LIN54: variants seen among roughly 807,000 people sequenced by gnomAD.
The protein encoded by LIN54 is lin-54 DREAM MuvB core complex component.
In LIN54, 9 loss-of-function variants were observed where a neutral mutation model predicts 78.7. The ratio of observed to expected loss-of-function variants is 0.11; its 90% CI spans 0.07 to 0.20. The LOEUF is 0.20. LIN54 is among the 10% of genes least tolerant of loss of function. The pLI is 1.00. For synonymous variants in LIN54, 269 were observed against 318.4 expected (o/e 0.84, Z 1.65); for missense variants, 573 against 889.9 (o/e 0.64, Z 4.53).
chr4:83,003,162 T>C (rs1040375094), intron 1 of LIN54, among the ~76,000 whole-genome samples: 3 of 152,134 alleles, frequency 2.0e-5, no homozygotes, highest in South Asian at 4.2e-4. Context: ...TACAGACGTG[T>C]GCCACCACGC....
In LIN54 at chr4:82,985,871, C is replaced by T. The variant is rs915453234; in HGVS notation, c.-32-995G>A. Among the ~76,000 whole-genome samples the T allele has an allele frequency of 5.9e-5, 9 of 151,904 alleles. No individual in the cohort carries two copies. In the East Asian group the frequency reaches 1.6e-3, roughly 26 times the overall value. ...CCGCCATTTAAAGTGTCAAAAAGAA[C>T]CATTTAAGAGATGTACAGCCAATCC... On this transcript the variant is annotated intron_variant, in intron 1 of 12. Coordinates refer to ENST00000340417, the MANE Select transcript of LIN54 (RefSeq NM_194282.4).
chr4:82,943,134 T>A (rs573455472), intron 5 of LIN54, among the ~76,000 whole-genome samples: 9 of 152,214 alleles, frequency 5.9e-5, no homozygotes, highest in Non-Finnish European at 1.3e-4. Flanking sequence ...TCAGTTTTCA[T>A]AGAAGCTGGC....
chr4:82,962,229 C>A (rs1289211628), intron 4 of LIN54, among the ~76,000 whole-genome samples: 1 of 152,064 alleles, frequency 6.6e-6, no homozygotes, highest in Non-Finnish European at 1.5e-5. Context: ...CTGGCTTAAC[C>A]CTCATTTATT....
At chr4:82,973,377 G>T (rs770954466) in intron 3 of LIN54, among the ~76,000 whole-genome samples, 15 of 152,054 alleles carry the variant, frequency 9.9e-5, no homozygotes, top group Non-Finnish European at 2.1e-4. Context: ...CTTTTTGAGG[G>T]TCTGCTTGGT....
chr4:83,006,182 G>C (rs1375189167), intron 1 of LIN54, among the ~76,000 whole-genome samples: 5 of 152,200 alleles, frequency 3.3e-5, no homozygotes, highest in African/African-American at 1.2e-4. Flanking sequence ...GGGTGCAGTG[G>C]CTCACGCCTG....
intron 3 of LIN54, among the ~76,000 whole-genome samples, chr4:82,973,564 T>C (rs1325207765): frequency 1.3e-5 from 2 of 152,174 alleles, no homozygotes; most frequent in East Asian, 3.8e-4. Context: ...ACATATTGAA[T>C]AGGCTGGGGC....
chr4:82,988,935 T>A (rs1415150543), intron 1 of LIN54, among the ~76,000 whole-genome samples: 1 of 152,146 alleles, frequency 6.6e-6, no homozygotes, highest in Non-Finnish European at 1.5e-5. Flanking sequence ...ATGCCTGTAA[T>A]CCCAGCACTT....
intron 1 of LIN54, among the ~76,000 whole-genome samples, chr4:82,988,827 C>T (rs952714504): frequency 6.6e-6 from 1 of 152,162 alleles, no homozygotes; most frequent in Non-Finnish European, 1.5e-5. Flanking sequence ...AGCCTCTTTT[C>T]ATGTGCATAT....
chr4:82,953,297 G>C (rs1156688161), intron 4 of LIN54, among the ~76,000 whole-genome samples: 1 of 152,160 alleles, frequency 6.6e-6, no homozygotes, highest in Non-Finnish European at 1.5e-5. Flanking sequence ...ACTGGAACGG[G>C]GAGTGACTGT....
intron 3 of LIN54, among the ~76,000 whole-genome samples, chr4:82,977,384 C>T (rs1319174026): frequency 1.3e-5 from 2 of 152,092 alleles, no homozygotes; most frequent in East Asian, 3.8e-4. Flanking sequence ...TCTTTGGGGC[C>T]CCCCTGCCTC....
chr4:82,992,335 T>G (rs1005007377), intron 1 of LIN54, among the ~76,000 whole-genome samples: 1 of 152,194 alleles, frequency 6.6e-6, no homozygotes, highest in Non-Finnish European at 1.5e-5. Context: ...TCTTCTCTCC[T>G]TTTATTCTTG....
chr4:82,970,509 ATAATAG>A (rs749459492), intron 3 of LIN54, 40 bp from the exon 4 acceptor site: 2 of 1,567,226 alleles, frequency 1.3e-6, no homozygotes, highest in African/African-American at 2.7e-5. Context: ...ACTTTTTTCA[ATAATAG>A]TATAAAAATT....
chr4:82,992,189 GT>G (rs1311883748), intron 1 of LIN54, among the ~76,000 whole-genome samples: 5 of 152,182 alleles, frequency 3.3e-5, no homozygotes, highest in Non-Finnish European at 5.9e-5. Context: ...ATATTTGATA[GT>G]TTGTGTCTTT....
At position 82,952,664 on chromosome 4, in the gene LIN54, G is replaced by A. The variant is rs186779813; in HGVS notation, c.952-6190C>T. Among the ~76,000 whole-genome samples, 133 of 152,256 alleles carry A rather than the reference G, an allele frequency of 8.7e-4. 2 individuals are homozygous for A. Among genetic ancestry groups the A allele is most frequent in the South Asian group, 4.1e-4 (2 of 4,830 alleles). ...CTTGAAGAGATATTTGTAAACTCAC[G>A]TTCATAGCAGCACTATTCACAATAG... On this transcript the variant is annotated intron_variant, in intron 4 of 12. Transcript: ENST00000340417.
chr4:82,954,345 AAT>A (rs139332404), intron 4 of LIN54, among the ~76,000 whole-genome samples: 3,008 of 152,212 alleles, frequency 0.02, 99 homozygotes, highest in African/African-American at 0.068. Context: ...GTTCACAGAA[AAT>A]AAGTCCAGAA....
intron 1 of LIN54, among the ~76,000 whole-genome samples, chr4:83,002,575 A>G (rs1469296934): frequency 6.6e-6 from 1 of 151,866 alleles, no homozygotes; most frequent in Non-Finnish European, 1.5e-5. Context: ...CTCCTCATCT[A>G]CCTCCTCCAC....
At chr4:82,961,776 T>C (rs531309979) in intron 4 of LIN54, among the ~76,000 whole-genome samples, 2 of 152,038 alleles carry the variant, frequency 1.3e-5, no homozygotes, top group Non-Finnish European at 2.9e-5. Context: ...AACATGGTGA[T>C]ACCCCGTCTC....
chr4:83,007,871 T>C (rs1330499879), intron 1 of LIN54, among the ~76,000 whole-genome samples: 1 of 151,716 alleles, frequency 6.6e-6, no homozygotes, highest in East Asian at 1.9e-4. Context: ...GGTGACAGAG[T>C]GAGAACCCAT....
rs66577460 is a variant in LIN54, at chr4:82,983,007, G to GTTT, written c.684+1151_684+1153dup. 6.0e-3 allele frequency among the ~76,000 whole-genome samples: 697 copies of GTTT among 116,956 alleles called. 3 individuals carry two copies. The highest frequency in any genetic ancestry group is 0.014 in the Middle Eastern group (3 of 216). The allele number at this position is 116,956 out of a possible 152,430, so 76.7% of individuals were successfully genotyped here. A position where few individuals can be genotyped will look rare whatever the true frequency, so the allele number is the denominator to read the frequency against. On this transcript the variant is annotated intron_variant, in intron 2 of 12. Transcript: ENST00000340417. ...TCATAAGTATATCACTGCATTTCTT[G>GTTT]TTTTTTTTTTTTTTTTTGAGATGGA...
Sources: gnomAD v4.1 joint callset for allele counts (sites outside exome capture counted in the v4.1 genomes callset) on GRCh38, gnomAD v4.1.1 for gene constraint, MANE v1.5 for transcripts, NCBI Gene and HGNC (gene_info 2026-07-23, HGNC 2026-07-21) for gene names.